The following MAP3K9 variants were observed in gnomAD, a reference collection of about 807,000 sequenced individuals.
MAP3K9 encodes the protein mitogen-activated protein kinase kinase kinase 9, also known as mixed lineage kinase 1 (tyr and ser/thr specificity).
A neutral mutation model predicts 95.8 loss-of-function variants in MAP3K9; 46 were observed. That is an observed-to-expected ratio of 0.48 (90% confidence interval 0.38 to 0.61). The LOEUF (loss-of-function observed/expected upper bound fraction) is 0.61, where lower values mean the gene tolerates loss of function less well. MAP3K9 is among the 20% of genes least tolerant of loss of function. The pLI, the probability that MAP3K9 is intolerant of heterozygous loss-of-function variation, is 0.00. For synonymous variants in MAP3K9, 533 were observed against 593.8 expected (o/e 0.90, Z 1.49); for missense variants, 1,296 against 1,474.3 (o/e 0.88, Z 1.98).
intron 2 of MAP3K9, among the ~76,000 whole-genome samples, chr14:70,770,435 C>T (rs996048419): frequency 3.3e-5 from 5 of 152,028 alleles, no homozygotes; most frequent in Non-Finnish European, 4.4e-5. Context: ...CCGCCTGCCT[C>T]GGCCTCCCAA....
intron 1 of MAP3K9, among the ~76,000 whole-genome samples, chr14:70,804,701 G>A (rs987081949): frequency 6.6e-6 from 1 of 152,024 alleles, no homozygotes; most frequent in African/African-American, 2.4e-5. Context: ...ATAAATGCAG[G>A]GAGGTTTAAA....
intron 2 of MAP3K9, among the ~76,000 whole-genome samples, chr14:70,765,960 C>T (rs1166348683): frequency 3.3e-5 from 5 of 151,492 alleles, no homozygotes; most frequent in Admixed American, 1.3e-4. Context: ...CGAGTCTAGG[C>T]GTAAGTCAAT....
chr14:70,803,446 A>G (rs373912298), intron 1 of MAP3K9, among the ~76,000 whole-genome samples: 1 of 151,750 alleles, frequency 6.6e-6, no homozygotes, highest in South Asian at 2.1e-4. Flanking sequence ...AAACAAAGAT[A>G]CATTTCTGAA....
At position 70,722,596 on chromosome 14, in the gene MAP3K9, C is replaced by T. The variant is rs576374764; in HGVS notation, c.*7784G>A. On this transcript the variant is annotated 3_prime_UTR_variant, in exon 12 of 12. Transcript: ENST00000554752. Reference sequence around the variant, plus strand: ...TGAGACCAGGCTGAGATCAGCATTACACTGTAATACAATAAGAGGTTTAGC... The same window carrying T: ...TGAGACCAGGCTGAGATCAGCATTATACTGTAATACAATAAGAGGTTTAGC... 1.3e-5 allele frequency: 2 copies of T among 151,688 alleles called. No homozygotes were observed. Among genetic ancestry groups the T allele is most frequent in the East Asian group, 3.9e-4 (2 of 5,152 alleles). 9.4% of individuals were successfully genotyped at this position (151,688 alleles called of 1,614,324 possible). A position where few individuals can be genotyped will look rare whatever the true frequency, so the allele number is the denominator to read the frequency against.
intron 2 of MAP3K9, among the ~76,000 whole-genome samples, chr14:70,768,150 T>A (rs1343043553): frequency 2.0e-5 from 3 of 152,180 alleles, no homozygotes; most frequent in Non-Finnish European, 1.5e-5. Flanking sequence ...AACTAAAGTA[T>A]AATTGAGCTG....
At chr14:70,788,560 T>G (rs186510516) in intron 2 of MAP3K9, among the ~76,000 whole-genome samples, 1 of 152,298 alleles carries the variant, frequency 6.6e-6, no homozygotes, top group Non-Finnish European at 1.5e-5. Context: ...CAAATCCAGT[T>G]TCACCCACAG....
chr14:70,790,670 T>G (rs1360793913), intron 2 of MAP3K9, among the ~76,000 whole-genome samples: 5 of 152,208 alleles, frequency 3.3e-5, no homozygotes, highest in African/African-American at 9.6e-5. Context: ...GGAACCATTT[T>G]GCGTGGTTCC....
chr14:70,743,773 C>T (rs1219929044), intron 5 of MAP3K9, among the ~76,000 whole-genome samples: 3 of 152,168 alleles, frequency 2.0e-5, no homozygotes, highest in Non-Finnish European at 2.9e-5. Flanking sequence ...TAAATTAGTT[C>T]AACCATTGTG....
At chr14:70,795,217 C>T (rs2054851436) in intron 2 of MAP3K9, among the ~76,000 whole-genome samples, 2 of 151,686 alleles carry the variant, frequency 1.3e-5, no homozygotes, top group South Asian at 4.2e-4. Context: ...AGGCTGGTCT[C>T]GAACTCCTGA....
Position 70,732,962 on chromosome 14 carries a change from G to T in MAP3K9, c.2407C>A (p.Arg803Ser). 6.2e-7 allele frequency: 1 copy of T among 1,614,088 alleles called. No individual in the cohort carries two copies. Among genetic ancestry groups the T allele is most frequent in the Non-Finnish European group, 8.5e-7 (1 of 1,180,000 alleles). Residue 803 changes from arginine to serine, a missense_variant, in exon 11 of 12, where the codon CGT (arginine) becomes AGT (serine). Physicochemically the swap from Arg to Ser is moderately radical, Grantham distance 110. This residue lies in a region of MAP3K9 where 433 missense variants were observed against 441.4 expected (regional missense o/e 0.98). Coordinates refer to ENST00000554752, the MANE Select transcript of MAP3K9 (RefSeq NM_001284230.2). ...GGGGGGCTGGTGCTCCGACGAGGAC[G>T]GCTGGACCTCTGAAAAAGACCCTCC... ...RREGLFQRSS[R>S]PRRSTSPPSR...
At chr14:70,735,076 G>T (rs1465620312) in intron 9 of MAP3K9, among the ~76,000 whole-genome samples, 1 of 152,216 alleles carries the variant, frequency 6.6e-6, no homozygotes, top group Non-Finnish European at 1.5e-5. Flanking sequence ...GTGCACTGTG[G>T]GACAGACCTA....
In MAP3K9 at chr14:70,734,518, G is replaced by C. The variant is rs1439730087; in HGVS notation, c.1914-20C>G. 7.1e-7 allele frequency: 1 copy of C among 1,406,024 alleles called. No individual in the cohort carries two copies. The highest frequency in any genetic ancestry group is 1.4e-5 in the African/African-American group (1 of 70,676). 87.1% of individuals were successfully genotyped at this position (1,406,024 alleles called of 1,614,324 possible). On this transcript the variant is annotated intron_variant, in intron 9 of 11. Transcript: ENST00000554752. ...TTGAGGCTGAATCAGAGGAAAAGAG[G>C]AAACTGTCAGAACTGGTTACCTTTC... is the stretch of plus-strand genomic sequence containing the variant.
chr14:70,727,688 G>C lies in MAP3K9; in HGVS notation c.*2692C>G, dbSNP rs2053837537. On this transcript the variant is annotated 3_prime_UTR_variant, in exon 12 of 12. Transcript: ENST00000554752. The stretch of plus-strand genomic sequence containing the variant: ...GGGCCCATCAGAGACCAGGTGTGTA[G>C]GAGCTGAGAGATGGTAACTGTTCCT... 1 of 152,340 alleles carries C rather than the reference G, an allele frequency of 6.6e-6. No homozygotes were observed. Among genetic ancestry groups the C allele is most frequent in the East Asian group, 1.9e-4 (1 of 5,204 alleles). The allele number at this position is 152,340 out of a possible 1,614,324, so 9.4% of individuals were successfully genotyped here.
intron 2 of MAP3K9, among the ~76,000 whole-genome samples, chr14:70,778,547 G>T (rs1594799808): frequency 1.3e-5 from 2 of 152,072 alleles, no homozygotes; most frequent in African/African-American, 2.4e-5. Context: ...AAGTGCAGGG[G>T]TTACAGGCAT....
intron 2 of MAP3K9, among the ~76,000 whole-genome samples, chr14:70,790,219 T>C (rs116992686): frequency 0.019 from 2,842 of 152,274 alleles, 38 homozygotes; most frequent in Non-Finnish European, 0.03. Context: ...AACTGTTTTC[T>C]CCACTAAACC....
intron 2 of MAP3K9, among the ~76,000 whole-genome samples, chr14:70,784,327 CA>C (rs1203028422): frequency 1.3e-5 from 2 of 151,898 alleles, no homozygotes; most frequent in Non-Finnish European, 2.9e-5. Context: ...AAATAAAAAA[CA>C]AAACCACAAC....
rs1235221915 is a variant in MAP3K9 at position 70,742,337 on chromosome 14, C to A, written c.1567+14G>T. The A allele has an allele frequency of 7.4e-6, 12 of 1,611,288 alleles. No homozygotes were observed. Among genetic ancestry groups the A allele is most frequent in the Non-Finnish European group, 1.0e-5 (12 of 1,178,118 alleles). On this transcript the variant is annotated intron_variant, in intron 6 of 11. Transcript: ENST00000554752. ...GCCCTGCTCCCACTTCCCAGCCAGTCCCCGGCCACTGACCAGAAGGGAGGC... is the reference window on the plus strand; with the variant it reads ...GCCCTGCTCCCACTTCCCAGCCAGTACCCGGCCACTGACCAGAAGGGAGGC...
chr14:70,732,962 G>A lies in MAP3K9; in HGVS notation c.2407C>T (p.Arg803Cys), dbSNP rs527720055. 45 of 1,613,970 alleles carry A rather than the reference G, an allele frequency of 2.8e-5. No homozygotes were observed. The highest frequency in any genetic ancestry group is 5.0e-5 in the Admixed American group (3 of 59,990). Residue 803 changes from arginine (R) to cysteine (C), a missense_variant, in exon 11 of 12, where the codon CGT becomes TGT. Physicochemically the swap from Arg to Cys is radical, Grantham distance 180 (BLOSUM62 -3). This residue lies in a region of MAP3K9 where 433 missense variants were observed against 441.4 expected (regional missense o/e 0.98). Coordinates refer to ENST00000554752, the MANE Select transcript of MAP3K9 (RefSeq NM_001284230.2). ...GGGGGGCTGGTGCTCCGACGAGGACGGCTGGACCTCTGAAAAAGACCCTCC... is the reference window on the plus strand; with the variant it reads ...GGGGGGCTGGTGCTCCGACGAGGACAGCTGGACCTCTGAAAAAGACCCTCC... ...RREGLFQRSS[R>C]PRRSTSPPSR...
rs562109897 is a variant in MAP3K9, at chr14:70,801,440, TG to T, written c.407-361del. ...TTTAAAATACATTTAAATATAGAGA[TG>T]GGGTTTTGCCATGTTGCCCAGGCTG... On this transcript the variant is annotated intron_variant, in intron 1 of 11. Transcript: ENST00000554752. Among the ~76,000 whole-genome samples, 347 of 152,288 alleles carry T rather than the reference TG, an allele frequency of 2.3e-3. 1 individual carries two copies. Among genetic ancestry groups the T allele is most frequent in the African/African-American group, 7.9e-3 (327 of 41,560 alleles).
Sources: allele counts gnomAD v4.1 joint callset (sites outside exome capture counted in the v4.1 genomes callset), GRCh38; gene constraint gnomAD v4.1.1; regional missense constraint gnomAD v4.1.1; transcripts MANE v1.5; gene names NCBI Gene and HGNC (gene_info 2026-07-23, HGNC 2026-07-21).